Variants in ARHGAP32 observed in about 807,000 individuals in gnomAD.
The protein encoded by ARHGAP32 is rho GTPase-activating protein 32.
A neutral mutation model predicts 186.5 loss-of-function variants in ARHGAP32; 51 were observed. The observed-to-expected ratio is 0.27, with a 90% CI of 0.22 to 0.35. The LOEUF (loss-of-function observed/expected upper bound fraction) is 0.35. Ranked by LOEUF, ARHGAP32 falls within the 10% of genes least tolerant of loss-of-function variation. The probability of loss-of-function intolerance (pLI) is 1.00; values close to 1 mark genes in which losing one functional copy is unlikely to be tolerated. For synonymous variants in ARHGAP32, 950 were observed against 964.3 expected (o/e 0.99, Z 0.27); for missense variants, 2,186 against 2,623.5 (o/e 0.83, Z 3.64).
chr11:129,179,504 T>C lies in ARHGAP32; in HGVS notation c.116+12579A>G, dbSNP rs575863371. ...AAAGACACATGCACACGTATGTTTA[T>C]TGCGGCATTATTCATGATAGCAAAG... On this transcript the variant is annotated intron_variant, in intron 1 of 22. Coordinates refer to ENST00000682385, the MANE Select transcript of ARHGAP32 (RefSeq NM_001378024.1). Among the ~76,000 whole-genome samples the C allele has an allele frequency of 9.2e-5, 14 of 152,004 alleles. No individual in the cohort carries two copies. The East Asian group carries it at 1.4e-3, about 15-fold the overall frequency.
At chr11:129,041,144 G>T (rs1591557201) in intron 10 of ARHGAP32, 135 bp from the exon 11 acceptor site, 1 of 517,724 alleles carries the variant, frequency 1.9e-6, no homozygotes, top group Middle Eastern at 2.7e-4. Context: ...CTAAATAACA[G>T]ATGATGCCAA....
intron 5 of ARHGAP32, among the ~76,000 whole-genome samples, chr11:129,118,919 A>G (rs1371158513): frequency 6.6e-6 from 1 of 152,050 alleles, no homozygotes; most frequent in Non-Finnish European, 1.5e-5. Flanking sequence ...AACTCAGCAT[A>G]ATGTGTCTCA....
chr11:129,277,875 T>C (rs187180148), intron 1 of ARHGAP32, among the ~76,000 whole-genome samples: 31 of 152,338 alleles, frequency 2.0e-4, no homozygotes, highest in African/African-American at 6.7e-4. Context: ...AAAGCTTCTC[T>C]TTCCTTCACA....
chr11:128,992,923 A>G (rs1946100177), intron 12 of ARHGAP32, among the ~76,000 whole-genome samples: 1 of 152,240 alleles, frequency 6.6e-6, no homozygotes, highest in African/African-American at 2.4e-5. Context: ...TCTACAAATA[A>G]CTGTGATATA....
At chr11:129,050,125 C>G (rs889575900) in intron 10 of ARHGAP32, among the ~76,000 whole-genome samples, 1 of 152,196 alleles carries the variant, frequency 6.6e-6, no homozygotes, top group Non-Finnish European at 1.5e-5. Flanking sequence ...AACTGCTAAA[C>G]TGTTTTCAAA....
At chr11:129,072,887 C>T (rs1940914558) in intron 6 of ARHGAP32, among the ~76,000 whole-genome samples, 1 of 152,186 alleles carries the variant, frequency 6.6e-6, no homozygotes, top group Non-Finnish European at 1.5e-5. Context: ...TCAGGAAAAA[C>T]TCTTACCACA....
intron 12 of ARHGAP32, among the ~76,000 whole-genome samples, chr11:128,998,064 G>C (rs1355231845): frequency 6.6e-6 from 1 of 152,110 alleles, no homozygotes; most frequent in East Asian, 1.9e-4. Context: ...AAAATAACAG[G>C]GTGGTTGTAA....
intron 12 of ARHGAP32, among the ~76,000 whole-genome samples, chr11:128,991,968 C>G (rs1946068015): frequency 6.6e-6 from 1 of 151,906 alleles, no homozygotes; most frequent in Non-Finnish European, 1.5e-5. Flanking sequence ...TAAGTCTCTT[C>G]TATTTTCCAG....
chr11:129,177,821 A>T, intron 1 of ARHGAP32, among the ~76,000 whole-genome samples: 1 of 152,214 alleles, frequency 6.6e-6, no homozygotes. Context: ...ACAAACCCAC[A>T]GCCAATATCA....
At position 129,244,427 on chromosome 11, in the gene ARHGAP32, A is replaced by G. The variant is rs542823359; in HGVS notation, c.-5+34719T>C. On this transcript the variant is annotated intron_variant, in intron 1 of 6. Coordinates refer to the ARHGAP32 transcript ENST00000525234. Reference sequence around the variant, plus strand: ...AGTATGGATGTTGTAATGGTCTTTCACATTTATTTTTTAAACGTTTTCTAA... The same window carrying G: ...AGTATGGATGTTGTAATGGTCTTTCGCATTTATTTTTTAAACGTTTTCTAA... Among the ~76,000 whole-genome samples the G allele has an allele frequency of 2.6e-5, 4 of 152,346 alleles. No individual in the cohort carries two copies. The East Asian group carries it at 7.7e-4, about 29-fold the overall frequency.
Position 129,046,826 on chromosome 11 carries a change from TA to T in ARHGAP32, c.964-5818del, listed in dbSNP as rs35702756. Among the ~76,000 whole-genome samples, 106 of 148,516 alleles carry T rather than the reference TA, an allele frequency of 7.1e-4. 1 individual carries two copies. Among genetic ancestry groups the T allele is most frequent in the Middle Eastern group, 3.5e-3 (1 of 286 alleles). On this transcript the variant is annotated intron_variant, in intron 10 of 22. Transcript: ENST00000682385. ...AACGATCATGTGCTTATCGCTGACT[TA>T]AAAAAAAAAATTCTTGGCCGGGCGC...
chr11:129,220,759 C>T (rs971022068), intron 1 of ARHGAP32, among the ~76,000 whole-genome samples: 1 of 152,166 alleles, frequency 6.6e-6, no homozygotes, highest in Non-Finnish European at 1.5e-5. Flanking sequence ...GATTCTCTTA[C>T]ATTAAAGCCT....
chr11:129,182,514 T>C (rs1207410873), intron 1 of ARHGAP32, among the ~76,000 whole-genome samples: 1 of 152,060 alleles, frequency 6.6e-6, no homozygotes, highest in Non-Finnish European at 1.5e-5. Context: ...AATGTAGATG[T>C]TTTTTGTTTT....
At chr11:129,176,841 T>C (rs1407136745) in intron 1 of ARHGAP32, among the ~76,000 whole-genome samples, 14 of 151,768 alleles carry the variant, frequency 9.2e-5, no homozygotes, top group Non-Finnish European at 1.5e-4. Context: ...GCAGGAAAGA[T>C]CCAACATCGA....
intron 5 of ARHGAP32, among the ~76,000 whole-genome samples, chr11:129,120,613 T>C (rs901727024): frequency 2.0e-5 from 3 of 152,134 alleles, no homozygotes; most frequent in African/African-American, 7.2e-5. Flanking sequence ...ATTCCAGAAC[T>C]AAAAGCCAGA....
At chr11:129,083,087 T>TA in intron 6 of ARHGAP32, among the ~76,000 whole-genome samples, 1 of 152,140 alleles carries the variant, frequency 6.6e-6, no homozygotes, top group Admixed American at 6.5e-5. Flanking sequence ...AATTTAAAAA[T>TA]AAAAAAATAA....
chr11:128,986,410 C>T, intron 14 of ARHGAP32, 114 bp downstream of exon 14: 2 of 1,146,400 alleles, frequency 1.7e-6, no homozygotes, highest in Non-Finnish European at 2.5e-6. Flanking sequence ...TTTAAGGAGT[C>T]ATTTCAGTCA....
chr11:129,046,620 T>C (rs1283273169), intron 10 of ARHGAP32, among the ~76,000 whole-genome samples: 1 of 152,216 alleles, frequency 6.6e-6, no homozygotes. Flanking sequence ...CCGGTTTGGC[T>C]TCTAAAGTGA....
intron 11 of ARHGAP32, among the ~76,000 whole-genome samples, chr11:129,027,897 G>C (rs1938931786): frequency 6.6e-6 from 1 of 152,150 alleles, no homozygotes; most frequent in African/African-American, 2.4e-5. Flanking sequence ...ATAGCACTTA[G>C]TATGCACTCG....
Sources: allele counts gnomAD v4.1 joint callset (sites outside exome capture counted in the v4.1 genomes callset), GRCh38; gene constraint gnomAD v4.1.1; transcripts MANE v1.5; gene names NCBI Gene and HGNC (gene_info 2026-07-23, HGNC 2026-07-21).